The following PCDHA4 variants were observed in gnomAD, a reference collection of about 807,000 sequenced individuals.
PCDHA4 encodes the protein protocadherin alpha-4.
A neutral mutation model predicts 61.4 loss-of-function variants in PCDHA4; 49 were observed. The observed-to-expected ratio is 0.80, with a 90% CI of 0.63 to 1.01. The LOEUF (loss-of-function observed/expected upper bound fraction) is 1.01, where lower values mean the gene tolerates loss of function less well. Among genes scored for constraint, PCDHA4 ranks in the 50% least tolerant of loss-of-function variants. The probability of loss-of-function intolerance (pLI) is 0.00; values close to 1 mark genes in which losing one functional copy is unlikely to be tolerated. For missense variants in PCDHA4, 1,254 were observed against 1,235.8 expected, an observed-to-expected ratio of 1.01 and a Z score of -0.22; for synonymous variants, 590 against 550.3, an observed-to-expected ratio of 1.07 and a Z score of -1.01.
rs574473083 is a variant in PCDHA4, at chr5:140,908,105, C to T, written c.2386-70844C>T. ...CAGGTGCACTGATTGAAGTTCTGTC[C>T]ACTGGGAAGATTTCCCTTCACTGCT... is the stretch of plus-strand genomic sequence containing the variant. On this transcript the variant is annotated intron_variant, in intron 1 of 3. Coordinates refer to ENST00000530339, the MANE Select transcript of PCDHA4 (RefSeq NM_018907.4). Among the ~76,000 whole-genome samples the T allele has an allele frequency of 5.3e-5, 8 of 152,304 alleles. No individual in the cohort carries two copies. In the East Asian group the frequency reaches 1.4e-3, roughly 26 times the overall value.
At chr5:140,836,794 C>A in intron 1 of PCDHA4, 1 of 1,396,740 alleles carries the variant, frequency 7.2e-7, no homozygotes, top group Non-Finnish European at 9.8e-7. Context: ...TTCAATTGGT[C>A]TCCTTAAATT....
At chr5:140,843,478 T>C in intron 1 of PCDHA4, 1 of 1,595,862 alleles carries the variant, frequency 6.3e-7, no homozygotes, top group Non-Finnish European at 8.6e-7. Flanking sequence ...TGCTGTACAC[T>C]GCGCTGCGGT....
intron 1 of PCDHA4, chr5:140,866,250 C>G (rs2049240306): frequency 6.6e-6 from 1 of 152,128 alleles, no homozygotes; most frequent in South Asian, 2.1e-4. Flanking sequence ...AAATGACACC[C>G]TTCTTTCTTT....
At chr5:140,920,842 A>T (rs1377558160) in intron 1 of PCDHA4, among the ~76,000 whole-genome samples, 3 of 127,576 alleles carry the variant, frequency 2.4e-5, no homozygotes, top group Non-Finnish European at 5.0e-5. Context: ...GACCAAATCT[A>T]AAAAAAAAAA....
At chr5:140,928,235 C>T (rs1455319165) in intron 1 of PCDHA4, 9 of 1,614,090 alleles carry the variant, frequency 5.6e-6, no homozygotes, top group African/African-American at 1.3e-5. Context: ...TTTCCTCAAC[C>T]CCAGCAGGAA....
chr5:140,877,818 T>G (rs1207543793), intron 1 of PCDHA4: 3 of 1,608,774 alleles, frequency 1.9e-6, no homozygotes, highest in African/African-American at 2.7e-5. Context: ...CTCGAGAAGA[T>G]TGTTTAAATC....
chr5:140,871,284 T>C (rs2052909297), intron 1 of PCDHA4: 1 of 1,613,778 alleles, frequency 6.2e-7, no homozygotes, highest in African/African-American at 1.3e-5. Flanking sequence ...CAACGCCCAC[T>C]GAGGGCGCGT....
Position 140,807,235 on chromosome 5 carries a change from C to T in PCDHA4, c.48C>T (p.Leu16=). Reference sequence around the variant, plus strand: ...GCCAGGAATCCCGGCGTCTGCTGCTCTTACTTCTTCTCCTCGCAGCCTGGG... The same window carrying T: ...GCCAGGAATCCCGGCGTCTGCTGCTTTTACTTCTTCTCCTCGCAGCCTGGG... ...GSGQESRRLL[L]LLLLLAAWEA... The change falls in exon 1 of 4, where the codon CTC becomes CTT. Residue 16 remains leucine (L), a synonymous_variant. Coordinates refer to ENST00000530339, the MANE Select transcript of PCDHA4 (RefSeq NM_018907.4). The T allele has an allele frequency of 6.2e-7, 1 of 1,614,190 alleles. No homozygotes were observed. Among genetic ancestry groups the T allele is most frequent in the Non-Finnish European group, 8.5e-7 (1 of 1,180,012 alleles).
intron 1 of PCDHA4, among the ~76,000 whole-genome samples, chr5:140,941,348 G>T (rs1193360429): frequency 1.7e-5 from 2 of 116,240 alleles, no homozygotes; most frequent in East Asian, 2.7e-4. Context: ...ATGGAGTCTT[G>T]CTCTGTTGCC....
chr5:140,819,738 C>A (rs1766611362), intron 1 of PCDHA4, among the ~76,000 whole-genome samples: 1 of 151,950 alleles, frequency 6.6e-6, no homozygotes, highest in Non-Finnish European at 1.5e-5. Context: ...GAAAGTGAAT[C>A]AAAAGTCAAG....
intron 3 of PCDHA4, among the ~76,000 whole-genome samples, chr5:140,995,476 A>G (rs2097685199): frequency 6.6e-6 from 1 of 152,210 alleles, no homozygotes; most frequent in Non-Finnish European, 1.5e-5. Flanking sequence ...TTTTTCATTT[A>G]ATATTTTCAG....
intron 1 of PCDHA4, among the ~76,000 whole-genome samples, chr5:140,840,200 G>T (rs1412931294): frequency 6.6e-6 from 1 of 151,990 alleles, no homozygotes; most frequent in South Asian, 2.1e-4. Flanking sequence ...CAAAGGAAAA[G>T]AAGTCATAAA....
intron 1 of PCDHA4, chr5:140,876,550 C>T: frequency 6.2e-7 from 1 of 1,614,186 alleles, no homozygotes; most frequent in Non-Finnish European, 8.5e-7. Context: ...GCTCCCTGTG[C>T]AAGAGGATGC....
chr5:140,869,587 A>G (rs1581901588), intron 1 of PCDHA4: 1 of 1,614,158 alleles, frequency 6.2e-7, no homozygotes, highest in African/African-American at 1.3e-5. Flanking sequence ...TGATGCTGAC[A>G]TTGAAGAGAA....
rs1554162252 is a variant in PCDHA4 at position 140,868,854 on chromosome 5, T to A, written c.2385+59282T>A. ...ACCCAAAACACGTGAAATTCTGTGG[T>A]GGTAAATGCAGTGCACAGTACTCAC... On this transcript the variant is annotated intron_variant, in intron 1 of 3. Coordinates refer to ENST00000530339, the MANE Select transcript of PCDHA4 (RefSeq NM_018907.4). 8.6e-6 allele frequency: 4 copies of A among 465,988 alleles called. 1 individual carries two copies. The highest frequency in any genetic ancestry group is 1.4e-5 in the Non-Finnish European group (4 of 277,116). The allele number at this position is 465,988 out of a possible 1,614,324, so 28.9% of individuals were successfully genotyped here. A position where few individuals can be genotyped will look rare whatever the true frequency, so the allele number is the denominator to read the frequency against.
chr5:140,842,001 A>G (rs1475257095), intron 1 of PCDHA4: 1 of 1,613,730 alleles, frequency 6.2e-7, no homozygotes, highest in African/African-American at 1.3e-5. Context: ...GGCACTGTTC[A>G]GCTGCTGGTC....
chr5:140,967,665 C>G (rs782126222), intron 1 of PCDHA4: 1 of 1,614,154 alleles, frequency 6.2e-7, no homozygotes. Context: ...AGCAGCTACA[C>G]GTCGGACCGG....
chr5:140,853,170 C>G, intron 1 of PCDHA4: 1 of 964,208 alleles, frequency 1.0e-6, no homozygotes, highest in South Asian at 4.8e-5. Flanking sequence ...TGAGCCACCG[C>G]GCCTGGCCTA....
chr5:140,859,100 T>C (rs1372747667), intron 1 of PCDHA4: 1 of 150,268 alleles, frequency 6.7e-6, no homozygotes, highest in East Asian at 1.9e-4. Flanking sequence ...ATTATTCACT[T>C]AGCAGAAGAA....
Sources: allele counts gnomAD v4.1 joint callset (sites outside exome capture counted in the v4.1 genomes callset), GRCh38; gene constraint gnomAD v4.1.1; transcripts MANE v1.5; gene names NCBI Gene and HGNC (gene_info 2026-07-23, HGNC 2026-07-21).